ROBO1: variants seen among roughly 807,000 people sequenced by gnomAD.
The protein encoded by ROBO1 is roundabout guidance receptor 1, also known as roundabout homolog 1.
ROBO1 carries 149 observed loss-of-function variants against 195.9 expected under a neutral mutation model. The observed-to-expected ratio is 0.76, with a 90% confidence interval of 0.67 to 0.87. The LOEUF (loss-of-function observed/expected upper bound fraction) is 0.87. Ranked by LOEUF, ROBO1 falls within the 40% of genes least tolerant of loss-of-function variation. The pLI, the probability that ROBO1 is intolerant of heterozygous loss-of-function variation, is 0.00. For synonymous variants in ROBO1, 816 were observed against 733.2 expected, an observed-to-expected ratio of 1.11 and a Z score of -1.82; for missense variants, 1,933 against 2,068.3, an observed-to-expected ratio of 0.93 and a Z score of 1.27.
At chr3:79,298,324 A>G (rs956544244) in intron 2 of ROBO1, among the ~76,000 whole-genome samples, 9 of 151,002 alleles carry the variant, frequency 6.0e-5, no homozygotes, top group East Asian at 2.0e-4. Context: ...CTCATTGTAC[A>G]CTCTTTACTG....
intron 4 of ROBO1, among the ~76,000 whole-genome samples, chr3:78,870,733 T>A (rs971280451): frequency 3.3e-5 from 5 of 152,268 alleles, no homozygotes; most frequent in Admixed American, 3.3e-4. Flanking sequence ...ACTTATCCTC[T>A]GGGAGTGAAC....
chr3:78,635,689 T>C, intron 23 of ROBO1, 84 bp downstream of exon 23: 1 of 1,182,124 alleles, frequency 8.5e-7, no homozygotes, highest in Non-Finnish European at 1.2e-6. Flanking sequence ...TTTTACTTGC[T>C]AGTCGCAGAC....
Position 78,600,197 on chromosome 3 carries a change from T to C in ROBO1, c.4857A>G (p.Gln1619=), listed in dbSNP as rs765771004. The stretch of plus-strand genomic sequence containing the variant: ...CAATATTTCTTCGACCTACATTTGC[T>C]TGTTCTCTTTGTCTGCTTCCTGATC... The part of the protein sequence containing the change: ...SRGSGSRQRE[Q]ANVGRRNIAE... The change falls in exon 30 of 31, where the codon CAA becomes CAG. Residue 1619 remains glutamine, a synonymous_variant. Coordinates refer to ENST00000464233, the MANE Select transcript of ROBO1 (RefSeq NM_002941.4). 1.2e-6 allele frequency: 2 copies of C among 1,613,584 alleles called. No individual in the cohort carries two copies. The highest frequency in any genetic ancestry group is 2.2e-5 in the South Asian group (2 of 91,078).
intron 5 of ROBO1, among the ~76,000 whole-genome samples, chr3:78,735,087 C>A (rs1357830352): frequency 1.3e-5 from 2 of 152,140 alleles, no homozygotes; most frequent in Non-Finnish European, 2.9e-5. Flanking sequence ...GGATATACTA[C>A]AGTTTTACAA....
chr3:79,441,638 T>C (rs1475513423), intron 2 of ROBO1, among the ~76,000 whole-genome samples: 1 of 152,140 alleles, frequency 6.6e-6, no homozygotes, highest in Non-Finnish European at 1.5e-5. Context: ...CTTGAATTTC[T>C]ATCCTCAGAA....
intron 2 of ROBO1, among the ~76,000 whole-genome samples, chr3:79,572,771 A>G (rs979471218): frequency 2.0e-5 from 3 of 152,222 alleles, no homozygotes; most frequent in Non-Finnish European, 2.9e-5. Context: ...AATTCATAAT[A>G]TTCAGTTAAA....
intron 21 of ROBO1, among the ~76,000 whole-genome samples, chr3:78,642,828 G>A (rs1225198315): frequency 6.6e-6 from 1 of 152,084 alleles, no homozygotes; most frequent in Admixed American, 6.6e-5. Flanking sequence ...CATTTGCAAT[G>A]TTCACAATGA....
intron 4 of ROBO1, among the ~76,000 whole-genome samples, chr3:78,787,187 A>G (rs1210566959): frequency 6.6e-6 from 1 of 152,200 alleles, no homozygotes; most frequent in Non-Finnish European, 1.5e-5. Flanking sequence ...TACTTTGAGG[A>G]TCACTGGCCT....
At chr3:79,546,426 G>T (rs527842062) in intron 2 of ROBO1, among the ~76,000 whole-genome samples, 86 of 152,172 alleles carry the variant, frequency 5.7e-4, no homozygotes, top group African/African-American at 2.0e-3. Flanking sequence ...GTACAGTGTT[G>T]CTCTCGAAAG....
chr3:79,508,205 TAACA>T (rs1337627423), intron 2 of ROBO1, among the ~76,000 whole-genome samples: 1 of 152,124 alleles, frequency 6.6e-6, no homozygotes, highest in Non-Finnish European at 1.5e-5. Flanking sequence ...TACACCTATG[TAACA>T]AACCTGCACG....
Position 78,920,624 on chromosome 3 carries a change from GTTTTTTT to G in ROBO1, c.499+17970_499+17976del, listed in dbSNP as rs34364869. On this transcript the variant is annotated intron_variant, in intron 4 of 30. Coordinates refer to ENST00000464233, the MANE Select transcript of ROBO1 (RefSeq NM_002941.4). ...CCAGCCTTTCTTTTTCTTTCTTTCA[GTTTTTTT>G]TTTTTTTTTTTTTTTTTTTTTGACA... Among the ~76,000 whole-genome samples, 262 of 60,944 alleles carry G rather than the reference GTTTTTTT, an allele frequency of 4.3e-3. 2 individuals are homozygous for G. Among genetic ancestry groups the G allele is most frequent in the African/African-American group, 0.018 (240 of 13,476 alleles). 40.0% of individuals were successfully genotyped at this position (60,944 alleles called of 152,430 possible). A position where few individuals can be genotyped will look rare whatever the true frequency, so the allele number is the denominator to read the frequency against.
intron 2 of ROBO1, among the ~76,000 whole-genome samples, chr3:79,422,148 GTAT>G (rs976231110): frequency 6.8e-6 from 1 of 147,740 alleles, no homozygotes; most frequent in African/African-American, 2.5e-5. Flanking sequence ...CATATTTTAT[GTAT>G]TATATACAAT....
chr3:79,071,002 G>C (rs1304564565), intron 3 of ROBO1, among the ~76,000 whole-genome samples: 1 of 151,588 alleles, frequency 6.6e-6, no homozygotes, highest in African/African-American at 2.4e-5. Flanking sequence ...TATATGTATA[G>C]ATTGTAAAAT....
At chr3:78,646,888 C>G (rs893295039) in intron 20 of ROBO1, among the ~76,000 whole-genome samples, 6 of 152,024 alleles carry the variant, frequency 3.9e-5, no homozygotes, top group Non-Finnish European at 7.4e-5. Context: ...AAGATTTTCA[C>G]ATAGTTAGGC....
At chr3:79,287,059 C>A (rs1313666731) in intron 2 of ROBO1, among the ~76,000 whole-genome samples, 1 of 152,090 alleles carries the variant, frequency 6.6e-6, no homozygotes, top group African/African-American at 2.4e-5. Flanking sequence ...TTTTCCAGCG[C>A]ACAATGAGTC....
At chr3:78,697,663 C>T (rs979427919) in intron 8 of ROBO1, among the ~76,000 whole-genome samples, 2 of 152,050 alleles carry the variant, frequency 1.3e-5, no homozygotes, top group African/African-American at 2.4e-5. Flanking sequence ...CATTAGGCCA[C>T]AACAGTTTAG....
intron 1 of ROBO1, among the ~76,000 whole-genome samples, chr3:79,656,825 A>T (rs1223021420): frequency 6.6e-6 from 1 of 151,944 alleles, no homozygotes; most frequent in Non-Finnish European, 1.5e-5. Flanking sequence ...TGAGCCCAGG[A>T]GGTTGAAGCT....
chr3:79,684,768 C>T (rs896580976), intron 1 of ROBO1, among the ~76,000 whole-genome samples: 28 of 151,920 alleles, frequency 1.8e-4, no homozygotes, highest in Admixed American at 9.2e-4. Context: ...CTCTGCCTCC[C>T]GGGTTCAAGC....
chr3:79,205,547 T>G (rs2081852199), intron 2 of ROBO1, among the ~76,000 whole-genome samples: 1 of 152,212 alleles, frequency 6.6e-6, no homozygotes, highest in South Asian at 2.1e-4. Context: ...AAGTAGACTC[T>G]ATTTCTTTTT....
Sources: gnomAD v4.1 joint callset for allele counts (sites outside exome capture counted in the v4.1 genomes callset) on GRCh38, gnomAD v4.1.1 for gene constraint, MANE v1.5 for transcripts, NCBI Gene and HGNC (gene_info 2026-07-23, HGNC 2026-07-21) for gene names.